SAMD5: variants seen among roughly 807,000 people sequenced by gnomAD.
SAMD5 encodes the protein sterile alpha motif domain-containing protein 5.
A neutral mutation model predicts 11.3 loss-of-function variants in SAMD5; 13 were observed. The observed-to-expected ratio is 1.15, with a 90% CI of 0.75 to 1.83. The LOEUF (loss-of-function observed/expected upper bound fraction) is 1.83, where lower values mean the gene tolerates loss of function less well. Among genes scored for constraint, SAMD5 ranks in the 40% most tolerant of loss-of-function variants. The pLI is 0.00. For missense variants in SAMD5, 255 were observed against 239.1 expected (o/e 1.07, Z -0.44); for synonymous variants, 129 against 111.3 (o/e 1.16, Z -1.00).
the SAMD5 span, among the ~76,000 whole-genome samples, chr6:147,864,945 A>AC: frequency 6.6e-6 from 1 of 152,210 alleles, no homozygotes. Context: ...AATAGGCTTC[A>AC]CCTATGTAAG....
At chr6:147,807,605 T>C in the SAMD5 span, among the ~76,000 whole-genome samples, 19 of 152,300 alleles carry the variant, frequency 1.2e-4, no homozygotes, top group Non-Finnish European at 7.3e-5. Context: ...GCATTAAAAA[T>C]TGGATAGTTT....
intron 1 of SAMD5, among the ~76,000 whole-genome samples, chr6:147,538,197 A>G (rs1327908805): frequency 6.6e-6 from 1 of 152,184 alleles, no homozygotes; most frequent in Non-Finnish European, 1.5e-5. Context: ...TAACCTATGG[A>G]AAAAAGCTAA....
At chr6:147,942,818 T>C in the SAMD5 span, among the ~76,000 whole-genome samples, 1 of 117,132 alleles carries the variant, frequency 8.5e-6, no homozygotes, top group African/African-American at 3.1e-5. Context: ...TTGTTCCCAA[T>C]GCTTCTTTTT....
the SAMD5 span, among the ~76,000 whole-genome samples, chr6:147,856,160 A>G: frequency 1.4e-4 from 21 of 152,332 alleles, no homozygotes; most frequent in Non-Finnish European, 2.6e-4. Flanking sequence ...GGTAAGTGGA[A>G]AAAGTCTATA....
chr6:147,786,635 G>T, the SAMD5 span, among the ~76,000 whole-genome samples: 1 of 152,150 alleles, frequency 6.6e-6, no homozygotes, highest in South Asian at 2.1e-4. Flanking sequence ...ATTTTCTCAG[G>T]TGCAGAGAAC....
chr6:147,877,112 A>G, the SAMD5 span, among the ~76,000 whole-genome samples: 2 of 152,182 alleles, frequency 1.3e-5, no homozygotes, highest in African/African-American at 4.8e-5. Context: ...GGATATTAAT[A>G]GATCTTACTT....
chr6:147,565,525 C>A lies in SAMD5; in HGVS notation c.*1069C>A. ...CCAGGCTGGAGTGTAGTGGCACAAT[C>A]TTGGCTCACAGTGACTTTCGCCTCC... On this transcript the variant is annotated 3_prime_UTR_variant, in exon 2 of 2. Coordinates refer to ENST00000367474, the MANE Select transcript of SAMD5 (RefSeq NM_001030060.3). 8 of 787,602 alleles carry A rather than the reference C, an allele frequency of 1.0e-5. No individual in the cohort carries two copies. The highest frequency in any genetic ancestry group is 1.2e-5 in the Non-Finnish European group (8 of 650,746). The allele number at this position is 787,602 out of a possible 1,614,324, so 48.8% of individuals were successfully genotyped here.
At chr6:147,582,219 C>T (rs1789308697) in intron 1 of SAMD5, among the ~76,000 whole-genome samples, 1 of 151,902 alleles carries the variant, frequency 6.6e-6, no homozygotes, top group Non-Finnish European at 1.5e-5. Flanking sequence ...ATTAGCTGGG[C>T]ATGGTGGTGC....
At chr6:147,633,318 G>A (rs1033205527) in intron 1 of SAMD5, among the ~76,000 whole-genome samples, 1 of 152,028 alleles carries the variant, frequency 6.6e-6, no homozygotes. Context: ...AGCGGGCACC[G>A]CCTGCCATGT....
intron 1 of SAMD5, among the ~76,000 whole-genome samples, chr6:147,703,064 T>G (rs1298610094): frequency 1.3e-5 from 2 of 152,076 alleles, no homozygotes; most frequent in African/African-American, 4.8e-5. Context: ...ATACTTCGTT[T>G]TTTTGTTTTG....
At chr6:147,787,751 G>A in the SAMD5 span, among the ~76,000 whole-genome samples, 10 of 152,204 alleles carry the variant, frequency 6.6e-5, no homozygotes, top group Admixed American at 3.9e-4. Context: ...GCTTGGTCAA[G>A]CATGGAGTAC....
chr6:147,877,160 G>T, the SAMD5 span, among the ~76,000 whole-genome samples: 2 of 152,044 alleles, frequency 1.3e-5, no homozygotes, highest in East Asian at 3.9e-4. Context: ...GACAGTCCAA[G>T]TGAAATCCTA....
At chr6:147,637,859 G>T (rs1039559411) in intron 1 of SAMD5, among the ~76,000 whole-genome samples, 99 of 120,242 alleles carry the variant, frequency 8.2e-4, no homozygotes, top group African/African-American at 3.5e-3. Context: ...AAGCAAGTTC[G>T]GTTTTTTTTT....
chr6:147,606,573 T>TA (rs536033070), intron 1 of SAMD5, among the ~76,000 whole-genome samples: 6 of 150,260 alleles, frequency 4.0e-5, no homozygotes, highest in South Asian at 2.1e-4. Context: ...ACAGCTAACT[T>TA]AAAAAAAAAG....
chr6:147,825,433 A>G, the SAMD5 span, among the ~76,000 whole-genome samples: 1 of 152,210 alleles, frequency 6.6e-6, no homozygotes, highest in South Asian at 2.1e-4. Context: ...ATTATTTGTA[A>G]AAGATAAAGA....
At position 147,565,183 on chromosome 6, in the gene SAMD5, A is replaced by G. The variant is rs1789016137; in HGVS notation, c.*727A>G. The stretch of plus-strand genomic sequence containing the variant: ...CTCTGACATGCATCAAGCAAGAGCT[A>G]GCTATTTTACTTCATAGCTAGTTTC... On this transcript the variant is annotated 3_prime_UTR_variant, in exon 2 of 2. Transcript: ENST00000367474. 1.0e-6 allele frequency: 1 copy of G among 985,852 alleles called. No homozygotes were observed. The highest frequency in any genetic ancestry group is 1.2e-6 in the Non-Finnish European group (1 of 829,952). The allele number at this position is 985,852 out of a possible 1,614,324, so 61.1% of individuals were successfully genotyped here.
chr6:147,713,265 G>C (rs999796267), intron 1 of SAMD5, among the ~76,000 whole-genome samples: 1 of 152,132 alleles, frequency 6.6e-6, no homozygotes, highest in African/African-American at 2.4e-5. Context: ...GGATGCAAAG[G>C]TTCTCTAACA....
intron 1 of SAMD5, among the ~76,000 whole-genome samples, chr6:147,535,364 T>A (rs1430055158): frequency 6.6e-6 from 1 of 152,238 alleles, no homozygotes; most frequent in Non-Finnish European, 1.5e-5. Context: ...AGTCCTAGGA[T>A]GAGGAGTACA....
the SAMD5 span, among the ~76,000 whole-genome samples, chr6:147,950,057 A>G: frequency 1.3e-5 from 2 of 152,242 alleles, no homozygotes; most frequent in Admixed American, 6.5e-5. Context: ...CAAAAAACAG[A>G]TAGAAAACCA....
Sources: allele counts gnomAD v4.1 joint callset (sites outside exome capture counted in the v4.1 genomes callset), GRCh38; gene constraint gnomAD v4.1.1; transcripts MANE v1.5; gene names NCBI Gene and HGNC (gene_info 2026-07-23, HGNC 2026-07-21).